USP24: variants seen among roughly 807,000 people sequenced by gnomAD.
USP24 encodes ubiquitin specific peptidase 24, also known as ubiquitin carboxyl-terminal hydrolase 24.
Under a neutral mutation model 361.6 loss-of-function variants are expected in USP24, and 97 were observed. That is an observed-to-expected ratio of 0.27 (90% CI 0.23 to 0.32). The LOEUF is 0.32. USP24 is among the 10% of genes least tolerant of loss of function. USP24 has a pLI of 1.00. For synonymous variants in USP24, 1,098 were observed against 1,124.6 expected (o/e 0.98, Z 0.47); for missense variants, 2,353 against 3,165.6 (o/e 0.74, Z 6.16).
At chr1:55,163,502 C>G (rs143803568) in intron 7 of USP24, among the ~76,000 whole-genome samples, 1 of 151,842 alleles carries the variant, frequency 6.6e-6, no homozygotes, top group Non-Finnish European at 1.5e-5. Context: ...AATCATATGA[C>G]AAAATGCTCA....
chr1:55,068,885 T>C lies in USP24; in HGVS notation c.*160A>G, dbSNP rs146463272. 1.1e-5 allele frequency: 8 copies of C among 712,834 alleles called. No individual in the cohort carries two copies. Among genetic ancestry groups the C allele is most frequent in the Middle Eastern group, 2.9e-4 (1 of 3,418 alleles). 44.2% of individuals were successfully genotyped at this position (712,834 alleles called of 1,614,324 possible). On this transcript the variant is annotated 3_prime_UTR_variant, in exon 68 of 68. Coordinates refer to ENST00000294383, the MANE Select transcript of USP24 (RefSeq NM_015306.3). ...AACAGCTCCCAAACCTTCTAGTGGCTTAAAAATGCTTTCCTTGAGAAATAC... is the reference window on the plus strand; with the variant it reads ...AACAGCTCCCAAACCTTCTAGTGGCCTAAAAATGCTTTCCTTGAGAAATAC...
chr1:55,107,267 T>C lies in USP24; in HGVS notation c.4734A>G (p.Ser1578=). ...GHLRLIKTLL[S]LCGAEKEMLG... ...GCATTTCCTTTTCTGCCCCACAGAG[T>C]GAAAGAAGGGTCTTGATGAGGCGTA... The change falls in exon 40 of 68, where the codon TCA becomes TCG. Residue 1578 remains serine (S), a synonymous_variant. Transcript: ENST00000294383. 1.9e-6 allele frequency: 3 copies of C among 1,611,724 alleles called. No homozygotes were observed. The highest frequency in any genetic ancestry group is 2.5e-6 in the Non-Finnish European group (3 of 1,179,214).
chr1:55,207,560 C>T (rs184221802), intron 1 of USP24, among the ~76,000 whole-genome samples: 3 of 152,122 alleles, frequency 2.0e-5, no homozygotes, highest in East Asian at 1.9e-4. Context: ...ATAAAAAATA[C>T]AAACAAGAAA....
At chr1:55,181,051 A>AT (rs201373052) in intron 1 of USP24, among the ~76,000 whole-genome samples, 18,886 of 147,242 alleles carry the variant, frequency 0.13, 1,347 homozygotes, top group Middle Eastern at 0.24. Flanking sequence ...ACTAGTTTGT[A>AT]TTTTTTTTTT....
Position 55,094,436 on chromosome 1 carries a change from T to TA in USP24, c.6204-350dup, listed in dbSNP as rs531619984. On this transcript the variant is annotated intron_variant, in intron 51 of 67. Coordinates refer to ENST00000294383, the MANE Select transcript of USP24 (RefSeq NM_015306.3). ...ATTGTGAGATATCTTTCCCAGCCAT[T>TA]AAAAAAGCAGTGAAATAAACTTATC... 3.8e-3 allele frequency among the ~76,000 whole-genome samples: 580 copies of TA among 152,114 alleles called. 5 individuals are homozygous for TA. The highest frequency in any genetic ancestry group is 0.013 in the African/African-American group (543 of 41,502).
At chr1:55,123,751 G>A (rs1646347867) in intron 35 of USP24, 149 bp from the exon 36 acceptor site, 3 of 795,804 alleles carry the variant, frequency 3.8e-6, no homozygotes, top group Non-Finnish European at 5.4e-6. Context: ...ATTTAATACT[G>A]TATTTGAAAC....
chr1:55,117,729 C>T (rs538109057), intron 38 of USP24, among the ~76,000 whole-genome samples: 44 of 109,856 alleles, frequency 4.0e-4, no homozygotes, highest in Admixed American at 2.4e-3. Flanking sequence ...GGCGACAGAG[C>T]GAGACTCCGT....
chr1:55,134,518 G>C, intron 28 of USP24, 105 bp from the exon 29 acceptor site: 1 of 1,011,092 alleles, frequency 9.9e-7, no homozygotes, highest in Non-Finnish European at 1.5e-6. Flanking sequence ...AGGCTGGCTG[G>C]TCACTGTAAA....
At chr1:55,170,498 T>C (rs929625828) in intron 5 of USP24, among the ~76,000 whole-genome samples, 3 of 152,170 alleles carry the variant, frequency 2.0e-5, no homozygotes, top group African/African-American at 4.8e-5. Context: ...TTAAAGAACA[T>C]AGACTAGCTG....
At chr1:55,183,178 C>G (rs1163259539) in intron 1 of USP24, among the ~76,000 whole-genome samples, 6 of 152,132 alleles carry the variant, frequency 3.9e-5, no homozygotes. Context: ...ATTTTAGCTT[C>G]AAAGGATTTA....
chr1:55,145,999 A>G lies in USP24; in HGVS notation c.2361T>C (p.Asn787=). 3 of 1,603,844 alleles carry G rather than the reference A, an allele frequency of 1.9e-6. No individual in the cohort carries two copies. Among genetic ancestry groups the G allele is most frequent in the East Asian group, 2.2e-5 (1 of 44,728 alleles). Residue 787 remains asparagine (N), a splice_region_variant and synonymous_variant, in exon 20 of 68, where the codon AAT becomes AAC. Coordinates refer to ENST00000294383, the MANE Select transcript of USP24 (RefSeq NM_015306.3). ...AAATGATTTTAAGTTTTTTCCTACCATTCATAGTGATTTCATATGACTCCA... is the reference window on the plus strand; with the variant it reads ...AAATGATTTTAAGTTTTTTCCTACCGTTCATAGTGATTTCATATGACTCCA... ...LKLESYEITM[N]GFNLFKTFFE...
In USP24 at chr1:55,172,568, A is replaced by C; in HGVS notation, c.559-48T>G. On this transcript the variant is annotated intron_variant, in intron 3 of 67. Transcript: ENST00000294383. ...CTAGAGTCTAACTTGAAAAAAGAAAATAAATCTACAGTTTATCAAGTCCAT... is the reference window on the plus strand; with the variant it reads ...CTAGAGTCTAACTTGAAAAAAGAAACTAAATCTACAGTTTATCAAGTCCAT... 1.9e-6 allele frequency: 3 copies of C among 1,552,498 alleles called. No individual in the cohort carries two copies. In the East Asian group the frequency reaches 6.9e-5, roughly 36 times the overall value.
intron 38 of USP24, among the ~76,000 whole-genome samples, chr1:55,110,918 C>T (rs146850828): frequency 5.3e-5 from 8 of 152,022 alleles, no homozygotes; most frequent in East Asian, 3.9e-4. Flanking sequence ...AAAAAACATA[C>T]GCATATACAC....
rs1644863242 is a variant in USP24 at position 55,068,820 on chromosome 1, C to T, written c.*225G>A. ...TGAATCCACATATAGACCACGCTCC[C>T]GGGACAGCTGATCCACATGCCGGAG... On this transcript the variant is annotated 3_prime_UTR_variant, in exon 68 of 68. Transcript: ENST00000294383. The T allele has an allele frequency of 8.9e-6, 5 of 563,876 alleles. No homozygotes were observed. The highest frequency in any genetic ancestry group is 1.6e-5 in the Non-Finnish European group (5 of 319,820). 34.9% of individuals were successfully genotyped at this position (563,876 alleles called of 1,614,324 possible). A position where few individuals can be genotyped will look rare whatever the true frequency, so the allele number is the denominator to read the frequency against.
chr1:55,069,814 AGTGAG>A (rs1171706582), intron 67 of USP24, among the ~76,000 whole-genome samples: 1 of 138,022 alleles, frequency 7.2e-6, no homozygotes, highest in Non-Finnish European at 1.5e-5. Context: ...AGGAGGTAGC[AGTGAG>A]GTGAGATTGC....
intron 54 of USP24, 33 bp downstream of exon 54, chr1:55,091,990 C>T (rs1645387665): frequency 1.3e-6 from 2 of 1,507,528 alleles, no homozygotes; most frequent in Non-Finnish European, 1.8e-6. Flanking sequence ...TGCCCTCTGT[C>T]ACAACAGATT....
chr1:55,137,090 C>T (rs4927194), intron 28 of USP24, among the ~76,000 whole-genome samples: 3,217 of 152,110 alleles, frequency 0.021, 60 homozygotes, highest in Non-Finnish European at 0.028. Context: ...ACCAAACAGG[C>T]GGAGAGACAG....
intron 56 of USP24, among the ~76,000 whole-genome samples, chr1:55,084,625 C>A (rs569602617): frequency 5.3e-5 from 8 of 152,270 alleles, no homozygotes; most frequent in Non-Finnish European, 1.0e-4. Context: ...TCCTGTCACA[C>A]CCATTATAAA....
At position 55,079,787 on chromosome 1, in the gene USP24, A is replaced by ACACACTGAGTACTCTCACAGAGTACT. The variant is rs1557531432; in HGVS notation, c.7079-129_7079-128insAGTACTCTGTGAGAGTACTCAGTGTG. On this transcript the variant is annotated intron_variant, in intron 59 of 67. Coordinates refer to ENST00000294383, the MANE Select transcript of USP24 (RefSeq NM_015306.3). Reference sequence around the variant, plus strand: ...CACTGAGTACTCTCACAGAGTACTCACACACTGAGTACTCACACACTGAGT... The same window carrying ACACACTGAGTACTCTCACAGAGTACT: ...CACTGAGTACTCTCACAGAGTACTCACACACTGAGTACTCTCACAGAGTACTCACACTGAGTACTCACACACTGAGT... The ACACACTGAGTACTCTCACAGAGTACT allele has an allele frequency of 1.7e-5, 20 of 1,204,964 alleles. 1 individual carries two copies. Among genetic ancestry groups the ACACACTGAGTACTCTCACAGAGTACT allele is most frequent in the South Asian group, 7.2e-5 (4 of 55,386 alleles). The allele number at this position is 1,204,964 out of a possible 1,614,324, so 74.6% of individuals were successfully genotyped here. A position where few individuals can be genotyped will look rare whatever the true frequency, so the allele number is the denominator to read the frequency against.
Sources: allele counts gnomAD v4.1 joint callset (sites outside exome capture counted in the v4.1 genomes callset), GRCh38; gene constraint gnomAD v4.1.1; transcripts MANE v1.5; gene names NCBI Gene and HGNC (gene_info 2026-07-23, HGNC 2026-07-21).